Variants in PRR16 observed in about 807,000 individuals in gnomAD.
PRR16 encodes the protein proline rich 16.
In PRR16, 6 loss-of-function variants were observed where a neutral mutation model predicts 18.2. The observed-to-expected ratio is 0.33, with a 90% confidence interval of 0.18 to 0.65. The LOEUF (loss-of-function observed/expected upper bound fraction) is 0.65. Ranked by LOEUF, PRR16 falls within the 30% of genes least tolerant of loss-of-function variation. The probability of loss-of-function intolerance (pLI) is 0.74; values close to 1 mark genes in which losing one functional copy is unlikely to be tolerated. For synonymous variants in PRR16, 151 were observed against 147.8 expected, an observed-to-expected ratio of 1.02 and a Z score of -0.16; for missense variants, 412 against 376.6, an observed-to-expected ratio of 1.09 and a Z score of -0.78.
chr5:120,480,811 T>C (rs915839978), intron 1 of PRR16, among the ~76,000 whole-genome samples: 1 of 152,236 alleles, frequency 6.6e-6, no homozygotes, highest in Non-Finnish European at 1.5e-5. Flanking sequence ...GATAGACCAT[T>C]ATTTACTGAG....
the PRR16 span, among the ~76,000 whole-genome samples, chr5:120,709,207 C>T: frequency 6.6e-6 from 1 of 151,706 alleles, no homozygotes; most frequent in Admixed American, 6.6e-5. Flanking sequence ...CGGGGTTTCA[C>T]CATGTTAGCC....
intron 1 of PRR16, among the ~76,000 whole-genome samples, chr5:120,614,123 T>C (rs1317861374): frequency 6.6e-6 from 1 of 152,192 alleles, no homozygotes; most frequent in Non-Finnish European, 1.5e-5. Flanking sequence ...ATGTTTTTCT[T>C]CTGTAATCAA....
At chr5:120,710,111 C>T in the PRR16 span, among the ~76,000 whole-genome samples, 16,132 of 152,122 alleles carry the variant, frequency 0.11, 1,066 homozygotes, top group Non-Finnish European at 0.14. Flanking sequence ...GAGCTTTCCC[C>T]TTTTTCCGTA....
the PRR16 span, among the ~76,000 whole-genome samples, chr5:120,697,043 A>G: frequency 2.0e-5 from 3 of 152,222 alleles, no homozygotes; most frequent in Non-Finnish European, 4.4e-5. Flanking sequence ...CACTTAGATT[A>G]TAATATTTAT....
intron 1 of PRR16, among the ~76,000 whole-genome samples, chr5:120,624,155 A>C (rs1314882318): frequency 1.3e-5 from 2 of 152,156 alleles, no homozygotes; most frequent in Non-Finnish European, 2.9e-5. Context: ...TAGGAAGAGA[A>C]CATTCTTATG....
chr5:120,583,850 C>T (rs764108507), intron 1 of PRR16, among the ~76,000 whole-genome samples: 1 of 152,116 alleles, frequency 6.6e-6, no homozygotes, highest in Non-Finnish European at 1.5e-5. Context: ...AGGCAATTGA[C>T]CCAAGCTGTC....
chr5:120,743,671 A>T, the PRR16 span, among the ~76,000 whole-genome samples: 2 of 152,058 alleles, frequency 1.3e-5, no homozygotes, highest in African/African-American at 4.8e-5. Flanking sequence ...TTTCATGGTT[A>T]CTTTTACTTT....
At chr5:120,699,653 GT>G in the PRR16 span, among the ~76,000 whole-genome samples, 1 of 152,174 alleles carries the variant, frequency 6.6e-6, no homozygotes, top group South Asian at 2.1e-4. Context: ...GCCTCTATAA[GT>G]ATTAAAGCAG....
At chr5:120,707,345 C>A in the PRR16 span, among the ~76,000 whole-genome samples, 2 of 152,138 alleles carry the variant, frequency 1.3e-5, no homozygotes. Context: ...CAATACACTT[C>A]AGGCTTACAA....
chr5:120,661,022 G>A (rs2150138336), intron 1 of PRR16, among the ~76,000 whole-genome samples: 1 of 152,146 alleles, frequency 6.6e-6, no homozygotes, highest in East Asian at 1.9e-4. Flanking sequence ...ATACTTGAAG[G>A]ATAACTTGGC....
chr5:120,543,486 C>T (rs1751980092), intron 1 of PRR16, among the ~76,000 whole-genome samples: 1 of 152,084 alleles, frequency 6.6e-6, no homozygotes, highest in Non-Finnish European at 1.5e-5. Flanking sequence ...CTGGATTGTT[C>T]ATACTTAAGA....
At chr5:120,613,978 T>C (rs1561574608) in intron 1 of PRR16, among the ~76,000 whole-genome samples, 1 of 152,208 alleles carries the variant, frequency 6.6e-6, no homozygotes, top group Non-Finnish European at 1.5e-5. Context: ...AGTTGGATAA[T>C]GATTAGCATT....
At chr5:120,490,231 A>G (rs1299177257) in intron 1 of PRR16, among the ~76,000 whole-genome samples, 1 of 152,092 alleles carries the variant, frequency 6.6e-6, no homozygotes, top group African/African-American at 2.4e-5. Flanking sequence ...CTCCTGGATA[A>G]TATCCTGCAG....
At chr5:120,555,744 G>C (rs1263878808) in intron 1 of PRR16, among the ~76,000 whole-genome samples, 1 of 151,008 alleles carries the variant, frequency 6.6e-6, no homozygotes, top group African/African-American at 2.4e-5. Context: ...TCTATAAAAT[G>C]GGTAAGTTCC....
Position 120,489,018 on chromosome 5 carries a change from A to C in PRR16, c.159+24373A>C, listed in dbSNP as rs540266163. The stretch of plus-strand genomic sequence containing the variant: ...TTGATTGCACTGTGGTCTGAGAGAC[A>C]GTTTGTTCTAATTTCTGTTCTTTTA... On this transcript the variant is annotated intron_variant, in intron 1 of 1. Transcript: ENST00000407149. Among the ~76,000 whole-genome samples, 54 of 152,240 alleles carry C rather than the reference A, an allele frequency of 3.5e-4. 1 individual carries two copies. The South Asian group carries it at 1.0e-2, about 28-fold the overall frequency.
the PRR16 span, among the ~76,000 whole-genome samples, chr5:120,709,448 T>A: frequency 6.6e-6 from 1 of 152,232 alleles, no homozygotes; most frequent in South Asian, 2.1e-4. Flanking sequence ...TCTAGGTAAT[T>A]GTGATGCTCA....
At chr5:120,546,610 T>G (rs1003424541) in intron 1 of PRR16, among the ~76,000 whole-genome samples, 10 of 152,152 alleles carry the variant, frequency 6.6e-5, no homozygotes, top group Non-Finnish European at 1.0e-4. Flanking sequence ...CAACTAACAC[T>G]GCTTAATCTG....
chr5:120,628,634 C>A (rs1048224138), intron 1 of PRR16, among the ~76,000 whole-genome samples: 3 of 149,070 alleles, frequency 2.0e-5, no homozygotes, highest in Admixed American at 6.9e-5. Flanking sequence ...CTACTCATCT[C>A]TCTATCTTTC....
chr5:120,613,617 A>G (rs1309639182), intron 1 of PRR16, among the ~76,000 whole-genome samples: 1 of 152,174 alleles, frequency 6.6e-6, no homozygotes, highest in East Asian at 1.9e-4. Flanking sequence ...AATTAAATCC[A>G]GTTTTAAGCA....
Sources: allele counts gnomAD v4.1 joint callset (sites outside exome capture counted in the v4.1 genomes callset), GRCh38; gene constraint gnomAD v4.1.1; transcripts MANE v1.5; gene names NCBI Gene and HGNC (gene_info 2026-07-23, HGNC 2026-07-21).